Variants in CCDC85A observed in about 807,000 individuals in gnomAD.
The protein encoded by CCDC85A is coiled-coil domain containing 85A, also known as coiled-coil domain-containing protein 85A.
CCDC85A carries 38 observed loss-of-function variants against 50.2 expected under a neutral mutation model. The ratio of observed to expected loss-of-function variants is 0.76; its 90% CI spans 0.58 to 0.99. CCDC85A has a LOEUF of 0.99. Among genes scored for constraint, CCDC85A ranks in the 50% least tolerant of loss-of-function variants. CCDC85A has a pLI of 0.00. For missense variants in CCDC85A, 820 were observed against 742.0 expected, an observed-to-expected ratio of 1.11 and a Z score of -1.22; for synonymous variants, 366 against 301.4, an observed-to-expected ratio of 1.21 and a Z score of -2.22.
chr2:56,183,889 G>C (rs1421039550), upstream of CCDC85A: 11 of 985,394 alleles, frequency 1.1e-5, no homozygotes, highest in East Asian at 1.1e-3. Context: ...CCCGGGCAGC[G>C]GTCGAGTGGC....
intron 2 of CCDC85A, among the ~76,000 whole-genome samples, chr2:56,215,243 C>T (rs932510276): frequency 6.6e-6 from 1 of 151,844 alleles, no homozygotes; most frequent in African/African-American, 2.4e-5. Context: ...TACTTGCTTA[C>T]TAGTTTCAGT....
intron 2 of CCDC85A, among the ~76,000 whole-genome samples, chr2:56,241,700 A>G (rs1669265918): frequency 6.6e-6 from 1 of 152,208 alleles, no homozygotes; most frequent in South Asian, 2.1e-4. Flanking sequence ...TCCATGGTAT[A>G]TACCACATTT....
intron 2 of CCDC85A, among the ~76,000 whole-genome samples, chr2:56,220,969 GC>G (rs1668300367): frequency 6.6e-6 from 1 of 151,936 alleles, no homozygotes; most frequent in Non-Finnish European, 1.5e-5. Context: ...CTCCAGCCCT[GC>G]TCCCCGTCAG....
At chr2:56,316,276 A>G (rs1672917244) in intron 2 of CCDC85A, among the ~76,000 whole-genome samples, 1 of 152,176 alleles carries the variant, frequency 6.6e-6, no homozygotes, top group Non-Finnish European at 1.5e-5. Context: ...GTTGGCTTAT[A>G]TAATTCTCCT....
chr2:56,294,398 A>G lies in CCDC85A; in HGVS notation c.1241-48481A>G, dbSNP rs534972892. ...AAACCACCATGGCACACATTTACCTATGTAACAAACCTGCGCGTCCTGCAC... is the reference window on the plus strand; with the variant it reads ...AAACCACCATGGCACACATTTACCTGTGTAACAAACCTGCGCGTCCTGCAC... On this transcript the variant is annotated intron_variant, in intron 2 of 5. Coordinates refer to ENST00000407595, the MANE Select transcript of CCDC85A (RefSeq NM_001080433.2). Among the ~76,000 whole-genome samples the G allele has an allele frequency of 3.2e-4, 49 of 152,332 alleles. 1 individual carries two copies. The Middle Eastern group carries it at 0.01, about 32-fold the overall frequency.
chr2:56,185,077 C>G (rs1675950478), intron 1 of CCDC85A, among the ~76,000 whole-genome samples, 177 bp downstream of exon 1: 1 of 144,820 alleles, frequency 6.9e-6, no homozygotes, highest in Non-Finnish European at 1.5e-5. Context: ...ACTTCGGAGG[C>G]GTCTGCTCCC....
chr2:56,342,824 A>G (rs1487202461), intron 2 of CCDC85A, 55 bp from the exon 3 acceptor site: 2 of 1,151,934 alleles, frequency 1.7e-6, no homozygotes, highest in African/African-American at 3.1e-5. Flanking sequence ...ATATCCTGAC[A>G]GTACACCAAA....
chr2:56,212,293 T>A (rs574192899), intron 2 of CCDC85A, among the ~76,000 whole-genome samples: 88 of 152,182 alleles, frequency 5.8e-4, no homozygotes, highest in Non-Finnish European at 1.1e-3. Context: ...TAATTCAGAT[T>A]TTTTGAGAGT....
chr2:56,223,864 T>A (rs547758912), intron 2 of CCDC85A, among the ~76,000 whole-genome samples: 1 of 152,180 alleles, frequency 6.6e-6, no homozygotes, highest in Admixed American at 6.6e-5. Context: ...CGCTCTGTGA[T>A]CCACTTCAAC....
At chr2:56,326,119 C>T (rs1673458973) in intron 2 of CCDC85A, among the ~76,000 whole-genome samples, 1 of 152,176 alleles carries the variant, frequency 6.6e-6, no homozygotes, top group Non-Finnish European at 1.5e-5. Context: ...TCTATGTTCT[C>T]CAGCAGTGAG....
At chr2:56,333,066 G>T (rs1673892986) in intron 2 of CCDC85A, among the ~76,000 whole-genome samples, 1 of 152,180 alleles carries the variant, frequency 6.6e-6, no homozygotes, top group Non-Finnish European at 1.5e-5. Flanking sequence ...TTACATTTTG[G>T]TAGGGAGAAA....
chr2:56,374,816 C>A (rs897312437), intron 4 of CCDC85A, among the ~76,000 whole-genome samples: 3 of 152,162 alleles, frequency 2.0e-5, no homozygotes, highest in African/African-American at 7.2e-5. Context: ...GTTAATATTC[C>A]AAACTACCGT....
At chr2:56,189,282 C>T (rs896424255) in intron 1 of CCDC85A, among the ~76,000 whole-genome samples, 5 of 111,336 alleles carry the variant, frequency 4.5e-5, no homozygotes, top group Non-Finnish European at 7.8e-5. Flanking sequence ...AAAACATGCA[C>T]GGGGTATTTT....
chr2:56,299,861 A>G (rs1468563551), intron 2 of CCDC85A, among the ~76,000 whole-genome samples: 1 of 152,152 alleles, frequency 6.6e-6, no homozygotes, highest in Non-Finnish European at 1.5e-5. Context: ...TTACAACTGT[A>G]TGAAAAAGTC....
chr2:56,232,225 A>G (rs577101066), intron 2 of CCDC85A, among the ~76,000 whole-genome samples: 6 of 152,202 alleles, frequency 3.9e-5, no homozygotes, highest in Admixed American at 3.3e-4. Flanking sequence ...CTACTAGGAT[A>G]CCTAATTGGC....
intron 2 of CCDC85A, among the ~76,000 whole-genome samples, chr2:56,229,139 G>C (rs1056767020): frequency 6.6e-6 from 1 of 152,182 alleles, no homozygotes; most frequent in African/African-American, 2.4e-5. Flanking sequence ...ACTTTTACCA[G>C]CAAAGTTTAG....
chr2:56,314,300 A>G (rs749784338), intron 2 of CCDC85A, among the ~76,000 whole-genome samples: 10 of 151,420 alleles, frequency 6.6e-5, no homozygotes, highest in Non-Finnish European at 1.0e-4. Flanking sequence ...TAGAGTAGAA[A>G]ATTTTGACTT....
At chr2:56,343,363 G>T (rs1235468056) in intron 3 of CCDC85A, among the ~76,000 whole-genome samples, 2 of 152,200 alleles carry the variant, frequency 1.3e-5, no homozygotes, top group East Asian at 1.9e-4. Context: ...TAGTTGGAAG[G>T]TTTCGCATTA....
chr2:56,223,077 G>C (rs548112667), intron 2 of CCDC85A, among the ~76,000 whole-genome samples: 2 of 152,258 alleles, frequency 1.3e-5, no homozygotes, highest in African/African-American at 4.8e-5. Flanking sequence ...AGACCTTAAA[G>C]ACAGTAGTCC....
Sources: gnomAD v4.1 joint callset for allele counts (sites outside exome capture counted in the v4.1 genomes callset) on GRCh38, gnomAD v4.1.1 for gene constraint, MANE v1.5 for transcripts, NCBI Gene and HGNC (gene_info 2026-07-23, HGNC 2026-07-21) for gene names.